ARHGEF16: variants seen among roughly 807,000 people sequenced by gnomAD.
The protein encoded by ARHGEF16 is Rho guanine exchange factor (GEF) 16.
Under a neutral mutation model 74.1 loss-of-function variants are expected in ARHGEF16, and 59 were observed. That is an observed-to-expected ratio of 0.80 (90% CI 0.65 to 0.99). The LOEUF (loss-of-function observed/expected upper bound fraction) is 0.99. Among genes scored for constraint, ARHGEF16 ranks in the 50% least tolerant of loss-of-function variants. ARHGEF16 has a pLI of 0.00. For synonymous variants in ARHGEF16, 415 were observed against 412.6 expected, an observed-to-expected ratio of 1.01 and a Z score of -0.07; for missense variants, 948 against 986.6, an observed-to-expected ratio of 0.96 and a Z score of 0.52.
chr1:3,478,417 T>C lies in ARHGEF16; in HGVS notation c.1626-7T>C, dbSNP rs1639955206. 6.3e-7 allele frequency: 1 copy of C among 1,586,298 alleles called. No individual in the cohort carries two copies. Among genetic ancestry groups the C allele is most frequent in the Non-Finnish European group, 8.6e-7 (1 of 1,161,320 alleles). ...GACCGTCCCACCGACTGCCCGTGTC[T>C]CCACAGCGAGGAGAGCTACATGGTC... On this transcript the variant is annotated splice_polypyrimidine_tract_variant and splice_region_variant and intron_variant, in intron 11 of 14. Coordinates refer to ENST00000378378, the MANE Select transcript of ARHGEF16 (RefSeq NM_014448.4).
intron 1 of ARHGEF16, among the ~76,000 whole-genome samples, chr1:3,460,651 C>T (rs1367119985): frequency 2.6e-5 from 4 of 152,158 alleles, no homozygotes; most frequent in Admixed American, 6.5e-5. Flanking sequence ...ATTTCTCGGC[C>T]GGGCCTGGGT....
rs924470261 is a variant in ARHGEF16, at chr1:3,466,006, G to A, written c.589-142G>A. The A allele has an allele frequency of 3.2e-5, 28 of 879,856 alleles. 1 individual carries two copies. The highest frequency in any genetic ancestry group is 1.9e-4 in the South Asian group (12 of 63,696). 54.5% of individuals were successfully genotyped at this position (879,856 alleles called of 1,614,324 possible). On this transcript the variant is annotated intron_variant, in intron 2 of 14. Coordinates refer to ENST00000378378, the MANE Select transcript of ARHGEF16 (RefSeq NM_014448.4). ...CTCTCTTGGCCTCTGCTTGGCGGCC[G>A]TGAGGCCCTGTGGAGCTGACATCTA... is the stretch of plus-strand genomic sequence containing the variant.
At chr1:3,477,780 C>A in intron 10 of ARHGEF16, 95 bp from the exon 11 acceptor site, 1 of 1,178,348 alleles carries the variant, frequency 8.5e-7, no homozygotes, top group Non-Finnish European at 1.2e-6. Flanking sequence ...CCACCTGGTG[C>A]TATGCGTCCT....
At chr1:3,468,663 G>GA in intron 4 of ARHGEF16, 3 of 583,676 alleles carry the variant, frequency 5.1e-6, no homozygotes, top group East Asian at 2.9e-5. Context: ...GGCGGCTGGG[G>GA]GGAGCGGGGG....
intron 13 of ARHGEF16, 79 bp from the exon 14 acceptor site, chr1:3,479,731 ATG>A: frequency 6.6e-7 from 1 of 1,513,672 alleles, no homozygotes; most frequent in South Asian, 1.1e-5. Context: ...GCCCCGGGGG[ATG>A]TGTCTGCTGG....
chr1:3,466,237 A>C (rs1310577983), intron 3 of ARHGEF16, 44 bp downstream of exon 3: 1 of 1,522,892 alleles, frequency 6.6e-7, no homozygotes, highest in Non-Finnish European at 8.8e-7. Context: ...GCTCCAGTTG[A>C]AACTGGTCTC....
chr1:3,479,804 C>G lies in ARHGEF16; in HGVS notation c.1889-8C>G, dbSNP rs1289028311. On this transcript the variant is annotated splice_region_variant and splice_polypyrimidine_tract_variant and intron_variant, in intron 13 of 14. Coordinates refer to ENST00000378378, the MANE Select transcript of ARHGEF16 (RefSeq NM_014448.4). ...CGACAGCCCTGTGATGGCCACTGCCCTATGCAGACCTGCCCCAGGTGGAGA... is the reference window on the plus strand; with the variant it reads ...CGACAGCCCTGTGATGGCCACTGCCGTATGCAGACCTGCCCCAGGTGGAGA... The G allele has an allele frequency of 2.5e-6, 4 of 1,611,690 alleles. No homozygotes were observed. The highest frequency in any genetic ancestry group is 3.4e-6 in the Non-Finnish European group (4 of 1,179,722).
At chr1:3,463,025 G>A (rs1194214906) in intron 1 of ARHGEF16, 41 bp from the exon 2 acceptor site, 11 of 1,377,552 alleles carry the variant, frequency 8.0e-6, no homozygotes, top group African/African-American at 1.5e-5. Context: ...GGGGGCAGGG[G>A]AGAGCAGCCT....
At chr1:3,465,208 T>G (rs1003130304) in intron 2 of ARHGEF16, among the ~76,000 whole-genome samples, 2 of 152,124 alleles carry the variant, frequency 1.3e-5, no homozygotes, top group African/African-American at 4.8e-5. Context: ...GGTGCTGGGG[T>G]TCCAAAGTGA....
chr1:3,467,538 T>C (rs1451043383), intron 4 of ARHGEF16, among the ~76,000 whole-genome samples: 5 of 152,194 alleles, frequency 3.3e-5, no homozygotes, highest in African/African-American at 7.2e-5. Context: ...AGAGTCACCC[T>C]GCCCATGCAG....
rs369020665 is a variant in ARHGEF16 at position 3,467,862 on chromosome 1, G to C, written c.804+525G>C. Among the ~76,000 whole-genome samples the C allele has an allele frequency of 7.9e-5, 12 of 152,216 alleles. No homozygotes were observed. The East Asian group carries it at 2.3e-3, about 29-fold the overall frequency. The stretch of plus-strand genomic sequence containing the variant: ...CCCCAGGTGGACCGGCATGTGACCC[G>C]CACCCTGAGGCCCAAGGGAGGGGAC... On this transcript the variant is annotated intron_variant, in intron 4 of 14. Coordinates refer to ENST00000378378, the MANE Select transcript of ARHGEF16 (RefSeq NM_014448.4).
At chr1:3,461,752 G>A (rs575860088) in intron 1 of ARHGEF16, among the ~76,000 whole-genome samples, 4 of 152,332 alleles carry the variant, frequency 2.6e-5, no homozygotes, top group East Asian at 1.9e-4. Flanking sequence ...AGGCCGTGTC[G>A]GCTGGGGGCT....
At position 3,473,171 on chromosome 1, in the gene ARHGEF16, C is replaced by T. The variant is rs200646639; in HGVS notation, c.1116C>T (p.His372=). The change falls in exon 7 of 15, where the codon CAC becomes CAT. Residue 372 remains histidine (H), a synonymous_variant. Transcript: ENST00000378378. ...AGGAGCACGCTGAGAAGCACTTCCA[C>T]CCCTACATCGCCTACTGCTCCAACG... is the stretch of plus-strand genomic sequence containing the variant. The part of the protein sequence containing the change: ...ILEEHAEKHF[H]PYIAYCSNEV... The T allele has an allele frequency of 8.5e-5, 137 of 1,613,252 alleles. No homozygotes were observed. The South Asian group carries it at 1.3e-3, about 16-fold the overall frequency.
At position 3,478,212 on chromosome 1, in the gene ARHGEF16, ACCT is replaced by A. The variant is rs893934361; in HGVS notation, c.1625+191_1625+193del. The stretch of plus-strand genomic sequence containing the variant: ...GGTGGCGCTCGCTGTGCAGCCTCTG[ACCT>A]CCTCTGCAGACCTGGGTCTGCCGGT... On this transcript the variant is annotated intron_variant, in intron 11 of 14. Coordinates refer to ENST00000378378, the MANE Select transcript of ARHGEF16 (RefSeq NM_014448.4). The A allele has an allele frequency of 7.1e-5, 67 of 945,048 alleles. No individual in the cohort carries two copies. In the Admixed American group the frequency reaches 1.6e-3, roughly 22 times the overall value. The allele number at this position is 945,048 out of a possible 1,614,324, so 58.5% of individuals were successfully genotyped here. A position where few individuals can be genotyped will look rare whatever the true frequency, so the allele number is the denominator to read the frequency against.
chr1:3,479,275 C>T (rs1263751138), intron 12 of ARHGEF16, among the ~76,000 whole-genome samples: 3 of 152,108 alleles, frequency 2.0e-5, no homozygotes, highest in South Asian at 4.2e-4. Context: ...TGCCAGGAAA[C>T]GGGGTGGCCT....
intron 5 of ARHGEF16, 143 bp from the exon 6 acceptor site, chr1:3,469,290 A>G (rs907257455): frequency 2.8e-5 from 27 of 964,906 alleles, no homozygotes; most frequent in African/African-American, 5.0e-5. Context: ...CCATTCTGAC[A>G]GCCCCATCCA....
chr1:3,465,132 C>T (rs1264525865), intron 2 of ARHGEF16, among the ~76,000 whole-genome samples: 4 of 152,248 alleles, frequency 2.6e-5, no homozygotes, highest in African/African-American at 9.6e-5. Flanking sequence ...CCATGGGGCT[C>T]CGTTCATTCA....
At chr1:3,479,946 G>A (rs970243442) in intron 14 of ARHGEF16, 33 bp downstream of exon 14, 25 of 1,602,630 alleles carry the variant, frequency 1.6e-5, no homozygotes, top group Admixed American at 3.3e-5. Context: ...CAGATGGGTG[G>A]GAACGGACAG....
intron 12 of ARHGEF16, 28 bp downstream of exon 12, chr1:3,478,640 C>T (rs770031149): frequency 6.3e-7 from 1 of 1,582,782 alleles, no homozygotes; most frequent in South Asian, 1.1e-5. Context: ...AGGGCTGTTC[C>T]CAGGCCACAG....
Sources: gnomAD v4.1 joint callset for allele counts (sites outside exome capture counted in the v4.1 genomes callset) on GRCh38, gnomAD v4.1.1 for gene constraint, MANE v1.5 for transcripts, NCBI Gene and HGNC (gene_info 2026-07-23, HGNC 2026-07-21) for gene names.